The following LIMCH1 variants were observed in gnomAD, a reference collection of about 807,000 sequenced individuals.
The protein encoded by LIMCH1 is LIM and calponin homology domains 1.
LIMCH1 carries 113 observed loss-of-function variants against 176.5 expected under a neutral mutation model. The observed-to-expected ratio is 0.64, with a 90% CI of 0.55 to 0.75. LIMCH1 has a LOEUF of 0.75. Ranked by LOEUF, LIMCH1 falls within the 30% of genes least tolerant of loss-of-function variation. LIMCH1 has a pLI of 0.00. For missense variants in LIMCH1, 1,674 were observed against 1,814.9 expected, an observed-to-expected ratio of 0.92 and a Z score of 1.41; for synonymous variants, 619 against 645.9, an observed-to-expected ratio of 0.96 and a Z score of 0.63.
chr4:41,692,446 C>A, intron 31 of LIMCH1, 62 bp downstream of exon 31: 1 of 1,021,870 alleles, frequency 9.8e-7, no homozygotes, highest in South Asian at 1.4e-5. Flanking sequence ...CCATAGGACC[C>A]AATTTAGGAA....
chr4:41,555,401 C>T (rs2081099056), intron 1 of LIMCH1, among the ~76,000 whole-genome samples: 1 of 152,182 alleles, frequency 6.6e-6, no homozygotes, highest in African/African-American at 2.4e-5. Context: ...TGACCGCCTT[C>T]CATTGGTTCT....
intron 15 of LIMCH1, among the ~76,000 whole-genome samples, chr4:41,645,476 G>A (rs1032735096): frequency 1.1e-4 from 16 of 152,160 alleles, no homozygotes; most frequent in African/African-American, 3.4e-4. Context: ...AGGAAATGGA[G>A]GCACAGGGAG....
At chr4:41,577,500 A>T (rs2084684659) in intron 1 of LIMCH1, among the ~76,000 whole-genome samples, 1 of 152,086 alleles carries the variant, frequency 6.6e-6, no homozygotes, top group Admixed American at 6.6e-5. Context: ...CATGATCACA[A>T]CTCACTGCAG....
At chr4:41,589,240 T>G (rs2152713391) in intron 1 of LIMCH1, among the ~76,000 whole-genome samples, 1 of 152,322 alleles carries the variant, frequency 6.6e-6, no homozygotes, top group East Asian at 1.9e-4. Context: ...CATTTACTTC[T>G]TATGTCCCAG....
chr4:41,658,952 A>C (rs1234271837), intron 18 of LIMCH1, among the ~76,000 whole-genome samples: 2 of 152,208 alleles, frequency 1.3e-5, no homozygotes, highest in African/African-American at 4.8e-5. Flanking sequence ...GCTAAAAATC[A>C]GTATTTCTGC....
rs1399395585 is a variant in LIMCH1 at position 41,638,933 on chromosome 4, T to C, written c.2092T>C (p.Tyr698His). The C allele has an allele frequency of 6.2e-7, 1 of 1,606,348 alleles. No homozygotes were observed. The highest frequency in any genetic ancestry group is 1.7e-5 in the Admixed American group (1 of 58,146). Residue 698 changes from tyrosine (Y) to histidine (H), a missense_variant and splice_region_variant, in exon 14 of 32, where the codon TAC (tyrosine) becomes CAC (histidine). Coordinates refer to ENST00000503057, the MANE Select transcript of LIMCH1 (RefSeq NM_001330672.2). The stretch of plus-strand genomic sequence containing the variant: ...CTAATTTTTTATTTGATCTTATAGA[T>C]ACGGTCCGAGAACTCCTGTGTCTGA... ...SKGLPMKDQR[Y>H]GPRTPVSDDA...
intron 22 of LIMCH1, among the ~76,000 whole-genome samples, chr4:41,671,884 CAAAAAAAAAAA>C (rs34994833): frequency 7.6e-5 from 4 of 52,378 alleles, no homozygotes; most frequent in Admixed American, 2.3e-4. Flanking sequence ...GACTTCGTCT[CAAAAAAAAAAA>C]AAAAAAAAAA....
intron 5 of LIMCH1, among the ~76,000 whole-genome samples, chr4:41,614,040 A>T (rs886590942): frequency 6.6e-6 from 1 of 152,250 alleles, no homozygotes; most frequent in Admixed American, 6.5e-5. Flanking sequence ...GTACCACACT[A>T]TATAAGAGAA....
chr4:41,361,456 T>C (rs569387702), intron 1 of LIMCH1, among the ~76,000 whole-genome samples: 24 of 152,298 alleles, frequency 1.6e-4, no homozygotes, highest in Non-Finnish European at 3.2e-4. Context: ...CTTGCTGTAT[T>C]CCTGGCACCG....
At chr4:41,545,445 GT>G (rs2079241452) in intron 1 of LIMCH1, among the ~76,000 whole-genome samples, 1 of 152,186 alleles carries the variant, frequency 6.6e-6, no homozygotes, top group Admixed American at 6.5e-5. Context: ...GAGAGTTACT[GT>G]GGAAAGTGAA....
intron 1 of LIMCH1, among the ~76,000 whole-genome samples, chr4:41,556,009 T>C (rs1410067705): frequency 6.6e-6 from 1 of 152,050 alleles, no homozygotes; most frequent in Non-Finnish European, 1.5e-5. Context: ...TCTCTGAAGG[T>C]GTTGGGATTA....
chr4:41,366,626 C>T (rs1281059584), intron 1 of LIMCH1, among the ~76,000 whole-genome samples: 1 of 151,896 alleles, frequency 6.6e-6, no homozygotes, highest in African/African-American at 2.4e-5. Context: ...TAAAAATAGC[C>T]TAAACTAGAG....
chr4:41,659,042 A>G (rs1337203237), intron 18 of LIMCH1, among the ~76,000 whole-genome samples: 1 of 152,204 alleles, frequency 6.6e-6, no homozygotes, highest in Non-Finnish European at 1.5e-5. Flanking sequence ...CAGCACTTTG[A>G]ATTATAAAAC....
intron 1 of LIMCH1, among the ~76,000 whole-genome samples, chr4:41,568,820 T>G (rs1413418717): frequency 6.6e-6 from 1 of 152,236 alleles, no homozygotes; most frequent in Non-Finnish European, 1.5e-5. Context: ...CTCAAATTTC[T>G]AGACATGTTA....
intron 2 of LIMCH1, among the ~76,000 whole-genome samples, chr4:41,518,456 T>C (rs2152391555): frequency 6.6e-6 from 1 of 152,344 alleles, no homozygotes. Context: ...CATTAAATGA[T>C]GATTGAGAGA....
intron 9 of LIMCH1, among the ~76,000 whole-genome samples, chr4:41,630,705 G>A (rs988571563): frequency 3.3e-5 from 5 of 152,088 alleles, no homozygotes; most frequent in South Asian, 2.1e-4. Context: ...CTCAGTATCC[G>A]TGCTTGATTC....
At chr4:41,549,101 G>T (rs1271116920) in intron 1 of LIMCH1, among the ~76,000 whole-genome samples, 1 of 151,496 alleles carries the variant, frequency 6.6e-6, no homozygotes, top group African/African-American at 2.4e-5. Flanking sequence ...TGTTGCCTGG[G>T]CTGGTCTCAA....
intron 1 of LIMCH1, among the ~76,000 whole-genome samples, chr4:41,543,365 A>T (rs1295448680): frequency 6.6e-6 from 1 of 152,216 alleles, no homozygotes; most frequent in Non-Finnish European, 1.5e-5. Context: ...TGTTAGGGAC[A>T]TCTCTGAGCT....
At chr4:41,667,658 T>G (rs563672728) in intron 21 of LIMCH1, among the ~76,000 whole-genome samples, 3 of 152,292 alleles carry the variant, frequency 2.0e-5, no homozygotes, top group Non-Finnish European at 4.4e-5. Flanking sequence ...CCCTTTACTC[T>G]TTAAGAACCC....
Sources: allele counts gnomAD v4.1 joint callset (sites outside exome capture counted in the v4.1 genomes callset), GRCh38; gene constraint gnomAD v4.1.1; transcripts MANE v1.5; gene names NCBI Gene and HGNC (gene_info 2026-07-23, HGNC 2026-07-21).